The following MANEA variants were observed in gnomAD, a reference collection of about 807,000 sequenced individuals.
The protein encoded by MANEA is mannosidase endo-alpha, also known as glycoprotein endo-alpha-1,2-mannosidase.
MANEA carries 25 observed loss-of-function variants against 36.8 expected under a neutral mutation model. The ratio of observed to expected loss-of-function variants is 0.68; its 90% CI spans 0.50 to 0.95. MANEA has a LOEUF of 0.95. Ranked by LOEUF, MANEA falls within the 40% of genes least tolerant of loss-of-function variation. MANEA has a pLI of 0.00. For missense variants in MANEA, 565 were observed against 558.8 expected, an observed-to-expected ratio of 1.01 and a Z score of -0.11; for synonymous variants, 198 against 188.5, an observed-to-expected ratio of 1.05 and a Z score of -0.41.
intron 2 of MANEA, among the ~76,000 whole-genome samples, chr6:95,593,014 G>A (rs1388823957): frequency 6.6e-6 from 1 of 152,158 alleles, no homozygotes; most frequent in African/African-American, 2.4e-5. Context: ...ATGAGTTTTT[G>A]CATTTAGTTT....
rs367572043 is a variant in MANEA, at chr6:95,585,183, A to G, written c.-38-1219A>G. 1.3e-4 allele frequency among the ~76,000 whole-genome samples: 20 copies of G among 152,274 alleles called. No homozygotes were observed. The South Asian group carries it at 2.3e-3, about 17-fold the overall frequency. On this transcript the variant is annotated intron_variant, in intron 1 of 4. Transcript: ENST00000358812. ...ACAACAATAATGTCTTTTCTTAATC[A>G]GCCAAGAAGCACTGCATTAATATAT...
chr6:95,583,034 G>T (rs1480248045), intron 1 of MANEA, among the ~76,000 whole-genome samples: 3 of 152,108 alleles, frequency 2.0e-5, no homozygotes, highest in Non-Finnish European at 4.4e-5. Context: ...TTAAATTGGT[G>T]TTTTGGTAGG....
chr6:95,582,710 A>G (rs1204647550), intron 1 of MANEA, among the ~76,000 whole-genome samples: 3 of 152,216 alleles, frequency 2.0e-5, no homozygotes, highest in African/African-American at 7.2e-5. Context: ...ATATTTTACC[A>G]TATTTGCTTA....
chr6:95,605,567 T>C (rs1261256696), intron 4 of MANEA, among the ~76,000 whole-genome samples, 181 bp from the exon 5 acceptor site: 12 of 152,162 alleles, frequency 7.9e-5, no homozygotes, highest in Non-Finnish European at 1.3e-4. Flanking sequence ...CAGTATCTCA[T>C]TTTCTAATGT....
chr6:95,586,808 G>T lies in MANEA; in HGVS notation c.369G>T (p.Trp123Cys). 3 of 1,613,870 alleles carry T rather than the reference G, an allele frequency of 1.9e-6. No individual in the cohort carries two copies. Among genetic ancestry groups the T allele is most frequent in the Non-Finnish European group, 2.5e-6 (3 of 1,179,870 alleles). Reference protein sequence around the residue: ...NPQFDGKYIHWNHPVLEHWDP... With the variant: ...NPQFDGKYIHCNHPVLEHWDP... The stretch of plus-strand genomic sequence containing the variant: ...AATTTGATGGTAAATATATACATTG[G>T]AATCATCCAGTGTTAGAGCATTGGG... The change falls in exon 2 of 5, where the codon TGG becomes TGT. Residue 123 changes from tryptophan (W) to cysteine (C), a missense_variant. Coordinates refer to ENST00000358812, the MANE Select transcript of MANEA (RefSeq NM_024641.4).
intron 3 of MANEA, among the ~76,000 whole-genome samples, chr6:95,604,341 T>C (rs936249357): frequency 1.3e-5 from 2 of 151,896 alleles, no homozygotes; most frequent in Admixed American, 6.6e-5. Flanking sequence ...TGGACCATAT[T>C]TTTTTGGTCT....
intron 2 of MANEA, among the ~76,000 whole-genome samples, chr6:95,596,233 T>C (rs1292265801): frequency 6.6e-6 from 1 of 152,056 alleles, no homozygotes; most frequent in Non-Finnish European, 1.5e-5. Flanking sequence ...TTTATAGAGC[T>C]GGTAAAACTA....
intron 2 of MANEA, among the ~76,000 whole-genome samples, chr6:95,593,487 G>A (rs1769424471): frequency 1.3e-5 from 2 of 152,146 alleles, no homozygotes; most frequent in East Asian, 3.9e-4. Context: ...AGGAGAATCA[G>A]AATAATATGG....
chr6:95,601,442 TA>T (rs1300709989), intron 3 of MANEA, among the ~76,000 whole-genome samples: 15 of 152,302 alleles, frequency 9.8e-5, no homozygotes, highest in African/African-American at 3.4e-4. Flanking sequence ...AGATAATGTA[TA>T]CTATGTGCTT....
Position 95,609,201 on chromosome 6 carries a change from G to A in MANEA, c.*2796G>A, listed in dbSNP as rs1582234775. On this transcript the variant is annotated 3_prime_UTR_variant, in exon 5 of 5. Coordinates refer to ENST00000358812, the MANE Select transcript of MANEA (RefSeq NM_024641.4). ...CTTAAAGTGGTATAATACATACAAT[G>A]CATGAATCATAATGGATTCTTTTAT... 1 of 151,636 alleles carries A rather than the reference G, an allele frequency of 6.6e-6. No homozygotes were observed. The highest frequency in any genetic ancestry group is 1.9e-4 in the East Asian group (1 of 5,186). The allele number at this position is 151,636 out of a possible 1,614,324, so 9.4% of individuals were successfully genotyped here.
intron 3 of MANEA, among the ~76,000 whole-genome samples, chr6:95,604,061 G>GTGTGTGTGT (rs1769656129): frequency 2.2e-5 from 3 of 138,320 alleles, no homozygotes; most frequent in Non-Finnish European, 3.1e-5. Context: ...TATGTATGTA[G>GTGTGTGTGT]GTGTGTGTGT....
Position 95,586,718 on chromosome 6 carries a change from G to C in MANEA, c.279G>C (p.Leu93Phe). Residue 93 changes from leucine to phenylalanine, a missense_variant, in exon 2 of 5, where the codon TTG becomes TTC. Physicochemically the swap from Leu to Phe is conservative, Grantham distance 22. Transcript: ENST00000358812. ...CTTCCAAAGCCTCTGAACTTAACTT[G>C]GATGAACTACCACCTCTGAACAATT... ...MKPSKASELN[L>F]DELPPLNNYL... 1 of 1,613,868 alleles carries C rather than the reference G, an allele frequency of 6.2e-7. No individual in the cohort carries two copies. The highest frequency in any genetic ancestry group is 2.2e-5 in the East Asian group (1 of 44,858).
intron 3 of MANEA, among the ~76,000 whole-genome samples, chr6:95,604,045 C>T (rs9387502): frequency 0.62 from 89,276 of 144,912 alleles, 27,059 homozygotes; most frequent in East Asian, 0.87. Context: ...TGTATGTGTG[C>T]GTATATATGT....
Position 95,585,953 on chromosome 6 carries a change from A to G in MANEA, c.-38-449A>G, listed in dbSNP as rs549709647. On this transcript the variant is annotated intron_variant, in intron 1 of 4. Coordinates refer to ENST00000358812, the MANE Select transcript of MANEA (RefSeq NM_024641.4). Reference sequence around the variant, plus strand: ...TGAGACAGGAGGATCGCTTGAGCCCAAGAGTTCAAGACCAGCCTGGTCAAC... The same window carrying G: ...TGAGACAGGAGGATCGCTTGAGCCCGAGAGTTCAAGACCAGCCTGGTCAAC... 1.1e-3 allele frequency among the ~76,000 whole-genome samples: 174 copies of G among 152,234 alleles called. 1 individual carries two copies. The highest frequency in any genetic ancestry group is 3.9e-3 in the African/African-American group (163 of 41,548).
At chr6:95,599,413 T>C (rs1054824173) in intron 3 of MANEA, among the ~76,000 whole-genome samples, 36 of 95,232 alleles carry the variant, frequency 3.8e-4, no homozygotes, top group African/African-American at 1.4e-3. Flanking sequence ...TGAGAGTCTA[T>C]CTCAAAAAAA....
Position 95,604,841 on chromosome 6 carries a change from A to G in MANEA, c.669A>G (p.Ile223Met), listed in dbSNP as rs528911035. The change falls in exon 4 of 5, where the codon ATA becomes ATG. Residue 223 changes from isoleucine (I) to methionine (M), a missense_variant. Coordinates refer to ENST00000358812, the MANE Select transcript of MANEA (RefSeq NM_024641.4). ...HKYNLKVTFHIEPYSNRDDQN... is the reference protein window; with the variant it reads ...HKYNLKVTFHMEPYSNRDDQN... ...GTTTGTTTTAGGTTACTTTTCACAT[A>G]GAACCATATAGCAATCGAGATGATC... 3 of 1,464,708 alleles carry G rather than the reference A, an allele frequency of 2.0e-6. No individual in the cohort carries two copies. The highest frequency in any genetic ancestry group is 1.8e-6 in the Non-Finnish European group (2 of 1,083,696). The allele number at this position is 1,464,708 out of a possible 1,614,324, so 90.7% of individuals were successfully genotyped here. A position where few individuals can be genotyped will look rare whatever the true frequency, so the allele number is the denominator to read the frequency against.
chr6:95,579,107 A>G (rs1769130676), intron 1 of MANEA, among the ~76,000 whole-genome samples: 1 of 152,196 alleles, frequency 6.6e-6, no homozygotes. Flanking sequence ...GCGGTGCCTC[A>G]CGCCTGTAAT....
intron 1 of MANEA, among the ~76,000 whole-genome samples, chr6:95,579,246 G>A (rs1025208515): frequency 2.0e-5 from 3 of 152,112 alleles, no homozygotes; most frequent in African/African-American, 7.2e-5. Context: ...CGTAGCGTGC[G>A]CCTGTAGTCC....
chr6:95,583,531 A>G (rs992573839), intron 1 of MANEA, among the ~76,000 whole-genome samples: 9 of 152,054 alleles, frequency 5.9e-5, no homozygotes, highest in African/African-American at 2.2e-4. Flanking sequence ...TATGACGTAT[A>G]TATGTACACA....
Sources: gnomAD v4.1 joint callset for allele counts (sites outside exome capture counted in the v4.1 genomes callset) on GRCh38, gnomAD v4.1.1 for gene constraint, MANE v1.5 for transcripts, NCBI Gene and HGNC (gene_info 2026-07-23, HGNC 2026-07-21) for gene names.